Variants in SREK1 observed in about 807,000 individuals in gnomAD.
SREK1 encodes splicing regulatory glutamine/lysine-rich protein 1.
SREK1 carries 13 observed loss-of-function variants against 66.5 expected under a neutral mutation model. The ratio of observed to expected loss-of-function variants is 0.20; its 90% CI spans 0.13 to 0.31. SREK1 has a LOEUF of 0.31. SREK1 is among the 10% of genes least tolerant of loss of function. SREK1 has a pLI of 1.00. For synonymous variants in SREK1, 265 were observed against 263.5 expected (o/e 1.01, Z -0.05); for missense variants, 607 against 769.6 (o/e 0.79, Z 2.50).
chr5:66,156,975 T>C (rs1014936825), intron 2 of SREK1: 9 of 985,188 alleles, frequency 9.1e-6, no homozygotes, highest in Non-Finnish European at 9.6e-6. Context: ...AAATGCTTAT[T>C]TGTTTTATAC....
chr5:66,170,602 C>T lies in SREK1; in HGVS notation c.1139C>T (p.Thr380Ile). Reference protein sequence around the residue: ...RSHSRDKRKDTREKIKEKERV... With the variant: ...RSHSRDKRKDIREKIKEKERV... ...TTTTAAAGGGACAAGAGAAAAGACA[C>T]TCGAGAAAAGATCAAGGAAAAGGAA... Residue 380 changes from threonine (T) to isoleucine (I), a missense_variant, in exon 9 of 12, where the codon ACT becomes ATT. Transcript: ENST00000334121. 3 of 1,601,706 alleles carry T rather than the reference C, an allele frequency of 1.9e-6. No individual in the cohort carries two copies. The highest frequency in any genetic ancestry group is 2.5e-6 in the Non-Finnish European group (3 of 1,176,906).
At chr5:66,166,215 T>C (rs1745161105) in intron 7 of SREK1, 1 of 152,080 alleles carries the variant, frequency 6.6e-6, no homozygotes, top group African/African-American at 2.4e-5. Context: ...GTAAAGGAGA[T>C]CAAGGAAATA....
chr5:66,158,869 C>G, intron 2 of SREK1: 1 of 1,293,068 alleles, frequency 7.7e-7, no homozygotes, highest in Non-Finnish European at 1.0e-6. Context: ...CGCGAAAACA[C>G]CGTCCTGGGA....
At chr5:66,157,033 T>G in intron 2 of SREK1, 1 of 985,020 alleles carries the variant, frequency 1.0e-6, no homozygotes, top group Non-Finnish European at 1.2e-6. Context: ...GAATTCTATC[T>G]TGGAAATTAA....
At chr5:66,153,673 G>T in intron 2 of SREK1, 77 bp downstream of exon 2, 1 of 1,582,404 alleles carries the variant, frequency 6.3e-7, no homozygotes, top group South Asian at 1.1e-5. Context: ...CTAGAGATTG[G>T]CAAGTAGACA....
intron 1 of SREK1, among the ~76,000 whole-genome samples, chr5:66,145,403 C>T (rs1743090123): frequency 6.6e-6 from 1 of 151,912 alleles, no homozygotes; most frequent in African/African-American, 2.4e-5. Context: ...GTATTAAGAT[C>T]CTCCGTTTTT....
At chr5:66,160,392 G>A (rs913123705) in intron 3 of SREK1, among the ~76,000 whole-genome samples, 3 of 152,140 alleles carry the variant, frequency 2.0e-5, no homozygotes, top group African/African-American at 7.2e-5. Context: ...TAGATTTGTA[G>A]TTTTTACATA....
Position 66,175,047 on chromosome 5 carries a change from T to C in SREK1, c.1580+6T>C. On this transcript the variant is annotated splice_donor_region_variant and intron_variant, in intron 10 of 11. Coordinates refer to ENST00000334121, the MANE Select transcript of SREK1 (RefSeq NM_001077199.3). Reference sequence around the variant, plus strand: ...AGATCTCCGTCCCCCAGGAGGTAGGTTGGGAGCTTGTGCTAAAACTAAACA... The same window carrying C: ...AGATCTCCGTCCCCCAGGAGGTAGGCTGGGAGCTTGTGCTAAAACTAAACA... The C allele has an allele frequency of 6.2e-7, 1 of 1,607,188 alleles. No homozygotes were observed. The highest frequency in any genetic ancestry group is 8.5e-7 in the Non-Finnish European group (1 of 1,176,350).
chr5:66,171,336 G>A (rs548438578), intron 9 of SREK1, among the ~76,000 whole-genome samples: 14 of 152,270 alleles, frequency 9.2e-5, no homozygotes, highest in Admixed American at 8.5e-4. Context: ...TGAAGTTGCA[G>A]TGTTAGCCCT....
chr5:66,175,189 A>G (rs1745960406), intron 10 of SREK1, 148 bp downstream of exon 10: 2 of 694,682 alleles, frequency 2.9e-6, no homozygotes, highest in Non-Finnish European at 4.5e-6. Flanking sequence ...AAAGTTATGT[A>G]TCAGGAAGTC....
intron 7 of SREK1, chr5:66,167,372 A>G (rs1745260313): frequency 6.6e-6 from 1 of 152,246 alleles, no homozygotes; most frequent in Non-Finnish European, 1.5e-5. Context: ...CAGGAACTGT[A>G]AGACATTTTA....
At chr5:66,150,230 C>A (rs978447881) in intron 1 of SREK1, among the ~76,000 whole-genome samples, 1 of 152,168 alleles carries the variant, frequency 6.6e-6, no homozygotes, top group East Asian at 1.9e-4. Context: ...ATGAGGAAAC[C>A]GTGCTAAGGC....
intron 5 of SREK1, chr5:66,163,568 ATTT>A: frequency 2.8e-6 from 1 of 361,766 alleles, no homozygotes. Flanking sequence ...CTAGGGTTCA[ATTT>A]TTCTTTTCTC....
Position 66,170,709 on chromosome 5 carries a change from G to C in SREK1, c.1246G>C (p.Asp416His), listed in dbSNP as rs746623245. Residue 416 changes from aspartate to histidine, a missense_variant, in exon 9 of 12, where the codon GAC (aspartate) becomes CAC (histidine). By Grantham distance (81) the Asp-to-His change is moderately conservative. Transcript: ENST00000334121. ...AGAAAAGGAACGGGGTAAAAACAAA[G>C]ACCGGGACAAGGAACGGGAAAAGGA... ...EKEKERGKNK[D>H]RDKEREKDRE... 7 of 1,605,868 alleles carry C rather than the reference G, an allele frequency of 4.4e-6. No homozygotes were observed. The highest frequency in any genetic ancestry group is 1.3e-5 in the African/African-American group (1 of 74,682).
chr5:66,158,652 A>G (rs1326472025), intron 2 of SREK1: 1 of 431,888 alleles, frequency 2.3e-6, no homozygotes, highest in African/African-American at 2.1e-5. Flanking sequence ...AGGTAGTTTC[A>G]GTAACAGGAT....
intron 2 of SREK1, chr5:66,158,288 A>C (rs1744459838): frequency 6.6e-6 from 1 of 152,038 alleles, no homozygotes; most frequent in Non-Finnish European, 1.5e-5. Flanking sequence ...GTGTTATTAG[A>C]TTATTTTAAT....
At chr5:66,155,542 C>G (rs556370876) in intron 2 of SREK1, among the ~76,000 whole-genome samples, 2 of 152,214 alleles carry the variant, frequency 1.3e-5, no homozygotes, top group East Asian at 3.9e-4. Context: ...GAAAAGTATT[C>G]CAGTGGAGTA....
rs1746646808 is a variant in SREK1 at position 66,183,303 on chromosome 5, G to GGTA, written c.*4437_*4439dup. The GGTA allele has an allele frequency of 6.6e-6, 1 of 152,102 alleles. No homozygotes were observed. Among genetic ancestry groups the GGTA allele is most frequent in the Non-Finnish European group, 1.5e-5 (1 of 68,014 alleles). 9.4% of individuals were successfully genotyped at this position (152,102 alleles called of 1,614,324 possible). On this transcript the variant is annotated 3_prime_UTR_variant, in exon 12 of 12. Coordinates refer to ENST00000334121, the MANE Select transcript of SREK1 (RefSeq NM_001077199.3). ...TGATTTCAACCATTTTGAGGGTACTGGTAGGTAACACACTGTTGGGGAATA... is the reference window on the plus strand; with the variant it reads ...TGATTTCAACCATTTTGAGGGTACTGGTAGTAGGTAACACACTGTTGGGGAATA...
chr5:66,153,638 C>T (rs1257716526), intron 2 of SREK1, 42 bp downstream of exon 2: 2 of 1,613,152 alleles, frequency 1.2e-6, no homozygotes, highest in South Asian at 1.1e-5. Context: ...AATTTCTGTC[C>T]TGTCTGTTAT....
Sources: gnomAD v4.1 joint callset for allele counts (sites outside exome capture counted in the v4.1 genomes callset) on GRCh38, gnomAD v4.1.1 for gene constraint, MANE v1.5 for transcripts, NCBI Gene and HGNC (gene_info 2026-07-23, HGNC 2026-07-21) for gene names.